GAPDHS: variants seen among roughly 807,000 people sequenced by gnomAD.
GAPDHS encodes the protein glyceraldehyde-3-phosphate dehydrogenase, testis-specific.
GAPDHS carries 42 observed loss-of-function variants against 48.7 expected under a neutral mutation model. The observed-to-expected ratio is 0.86, with a 90% CI of 0.67 to 1.12. The LOEUF (loss-of-function observed/expected upper bound fraction) is 1.12. Among genes scored for constraint, GAPDHS ranks in the 50% most tolerant of loss-of-function variants. The pLI is 0.00. For synonymous variants in GAPDHS, 166 were observed against 219.1 expected, an observed-to-expected ratio of 0.76 and a Z score of 2.14; for missense variants, 512 against 557.7, an observed-to-expected ratio of 0.92 and a Z score of 0.82.
In GAPDHS at chr19:35,543,464, T is replaced by G. The variant is rs1273458730; in HGVS notation, c.866T>G (p.Val289Gly). The G allele has an allele frequency of 1.2e-6, 2 of 1,605,446 alleles. No homozygotes were observed. The highest frequency in any genetic ancestry group is 3.5e-5 in the Admixed American group (2 of 56,474). The change falls in exon 8 of 11, where the codon GTG (valine) becomes GGG (glycine). Residue 289 changes from valine (V) to glycine (G), a missense_variant. Val to Gly is a moderately radical substitution (Grantham distance 109). Transcript: ENST00000222286. ...IPASTGAAKA[V>G]TKVIPELKGK... ...GCCTCCACTGGGGCTGCGAAAGCTG[T>G]GACCAAAGTCATCCCAGAGCTCAAA...
At chr19:35,536,463 C>T (rs976447936) in intron 1 of GAPDHS, among the ~76,000 whole-genome samples, 5 of 151,942 alleles carry the variant, frequency 3.3e-5, no homozygotes, top group African/African-American at 9.7e-5. Flanking sequence ...ATAATCCCAG[C>T]TACTCGGGAG....
At chr19:35,541,644 A>G (rs1384250982) in intron 4 of GAPDHS, 1 of 147,088 alleles carries the variant, frequency 6.8e-6, no homozygotes, top group Admixed American at 6.9e-5. Flanking sequence ...AAAGCCAAGT[A>G]GAAAACGGCA....
rs367809432 is a variant in GAPDHS, at chr19:35,543,496, G to A, written c.893+5G>A. ...AGTCATCCCAGAGCTCAAAGGGTAT[G>A]AGGACAAGAAGCTGCAACCAGGGTG... On this transcript the variant is annotated splice_donor_5th_base_variant and intron_variant, in intron 8 of 10. Transcript: ENST00000222286. 3.0e-5 allele frequency: 48 copies of A among 1,600,492 alleles called. No homozygotes were observed. In the South Asian group the frequency reaches 5.0e-4, roughly 17 times the overall value.
chr19:35,535,166 GGTCCCCTGA>G (rs1200414662), intron 1 of GAPDHS, among the ~76,000 whole-genome samples: 2 of 152,146 alleles, frequency 1.3e-5, no homozygotes, highest in Admixed American at 1.3e-4. Flanking sequence ...TCTGCCACCA[GGTCCCCTGA>G]GTCTCCACTT....
chr19:35,539,125 G>A (rs893429900), intron 4 of GAPDHS, among the ~76,000 whole-genome samples: 9 of 152,114 alleles, frequency 5.9e-5, no homozygotes, highest in African/African-American at 2.2e-4. Context: ...TCAAACTCCT[G>A]GCCCCAAGCA....
intron 2 of GAPDHS, among the ~76,000 whole-genome samples, chr19:35,537,461 C>A (rs1408352509): frequency 3.3e-5 from 5 of 152,134 alleles, no homozygotes; most frequent in Non-Finnish European, 5.9e-5. Flanking sequence ...GTCCACCAAG[C>A]AAAGGGAAAA....
chr19:35,543,864 T>C, intron 9 of GAPDHS, 37 bp downstream of exon 9: 1 of 1,545,476 alleles, frequency 6.5e-7, no homozygotes, highest in Non-Finnish European at 8.7e-7. Context: ...GGAGGAGCCC[T>C]CTGGGAAGGG....
chr19:35,542,013 C>G (rs1354457890), intron 4 of GAPDHS: 1 of 412,814 alleles, frequency 2.4e-6, no homozygotes, highest in East Asian at 5.0e-5. Flanking sequence ...TCTGGGCTGG[C>G]TGACAGCAGT....
At chr19:35,542,153 C>T in intron 4 of GAPDHS, 166 bp from the exon 5 acceptor site, 1 of 613,614 alleles carries the variant, frequency 1.6e-6, no homozygotes, top group Non-Finnish European at 2.9e-6. Flanking sequence ...AAAAGCTAGG[C>T]CAGCGGGGTG....
chr19:35,542,028 A>C, intron 4 of GAPDHS: 1 of 450,776 alleles, frequency 2.2e-6, no homozygotes, highest in Non-Finnish European at 4.1e-6. Flanking sequence ...AGCAGTCAGC[A>C]TTGGCGCCTC....
chr19:35,544,070 C>T, intron 9 of GAPDHS: 1 of 531,440 alleles, frequency 1.9e-6, no homozygotes, highest in East Asian at 3.5e-5. Context: ...TTCAGCAAGG[C>T]ACCCCCTCAA....
chr19:35,543,090 C>A, intron 7 of GAPDHS, 64 bp downstream of exon 7: 1 of 1,286,206 alleles, frequency 7.8e-7, no homozygotes, highest in African/African-American at 1.5e-5. Flanking sequence ...CTTCCCGGGC[C>A]TTGCTTACTG....
intron 6 of GAPDHS, 125 bp downstream of exon 6, chr19:35,542,733 A>C: frequency 1.3e-6 from 1 of 789,396 alleles, no homozygotes; most frequent in Non-Finnish European, 2.1e-6. Flanking sequence ...TATCTGCTAA[A>C]AACGCATGAC....
chr19:35,541,383 G>C (rs1295457264), intron 4 of GAPDHS: 2 of 151,902 alleles, frequency 1.3e-5, no homozygotes, highest in African/African-American at 4.8e-5. Context: ...GCCGGAGCCA[G>C]GAAGATCAAG....
intron 1 of GAPDHS, among the ~76,000 whole-genome samples, chr19:35,535,984 C>A (rs1237791276): frequency 6.6e-6 from 1 of 151,804 alleles, no homozygotes; most frequent in African/African-American, 2.4e-5. Flanking sequence ...AAGTGATCCA[C>A]CCACCTTGGC....
At chr19:35,538,905 G>A (rs1334743221) in intron 4 of GAPDHS, among the ~76,000 whole-genome samples, 2 of 152,168 alleles carry the variant, frequency 1.3e-5, no homozygotes, top group African/African-American at 4.8e-5. Context: ...CTGTACTGAA[G>A]AATGCTTTTT....
chr19:35,540,623 G>C (rs1205757425), intron 4 of GAPDHS: 1 of 152,156 alleles, frequency 6.6e-6, no homozygotes, highest in Non-Finnish European at 1.5e-5. Flanking sequence ...CAGGAGTGCA[G>C]ACCCGAGGTG....
intron 8 of GAPDHS, 63 bp from the exon 9 acceptor site, chr19:35,543,596 CAGGGAA>C: frequency 6.3e-7 from 1 of 1,584,688 alleles, no homozygotes; most frequent in Non-Finnish European, 8.6e-7. Context: ...GGCCCAGCCA[CAGGGAA>C]AGGGGGAATG....
intron 4 of GAPDHS, among the ~76,000 whole-genome samples, 193 bp downstream of exon 4, chr19:35,538,876 A>C (rs1240510155): frequency 6.6e-6 from 1 of 152,194 alleles, no homozygotes; most frequent in Non-Finnish European, 1.5e-5. Context: ...AAGAAGCACT[A>C]ATCTAAAAAG....
Sources: gnomAD v4.1 joint callset for allele counts (sites outside exome capture counted in the v4.1 genomes callset) on GRCh38, gnomAD v4.1.1 for gene constraint, MANE v1.5 for transcripts, NCBI Gene and HGNC (gene_info 2026-07-23, HGNC 2026-07-21) for gene names.